The following LARP1 variants were observed in gnomAD, a reference collection of about 807,000 sequenced individuals.
The protein encoded by LARP1 is La ribonucleoprotein 1, translational regulator, also known as la-related protein 1.
LARP1 carries 36 observed loss-of-function variants against 122.7 expected under a neutral mutation model. The ratio of observed to expected loss-of-function variants is 0.29; its 90% CI spans 0.22 to 0.39. The LOEUF (loss-of-function observed/expected upper bound fraction) is 0.39, where lower values mean the gene tolerates loss of function less well. Ranked by LOEUF, LARP1 falls within the 10% of genes least tolerant of loss-of-function variation. The pLI, the probability that LARP1 is intolerant of heterozygous loss-of-function variation, is 1.00. For missense variants in LARP1, 1,040 were observed against 1,403.6 expected (o/e 0.74, Z 4.14); for synonymous variants, 539 against 528.7 (o/e 1.02, Z -0.27).
At chr5:154,750,066 C>G (rs1460341074) in intron 1 of LARP1, among the ~76,000 whole-genome samples, 3 of 152,248 alleles carry the variant, frequency 2.0e-5, no homozygotes, top group Non-Finnish European at 2.9e-5. Context: ...GAGATGGGAC[C>G]CAGGTTATAA....
rs60485690 is a variant in LARP1, at chr5:154,777,348, TA to T, written c.437-12962del. Among the ~76,000 whole-genome samples the T allele has an allele frequency of 3.7e-3, 508 of 136,994 alleles. 1 individual carries two copies. Among genetic ancestry groups the T allele is most frequent in the East Asian group, 4.4e-3 (21 of 4,762 alleles). 89.9% of individuals were successfully genotyped at this position (136,994 alleles called of 152,430 possible). ...CAACGTGGTGAAACCCCATCTCTGC[TA>T]AAAAAAAAAAAAAATGCAAAAATTA... On this transcript the variant is annotated intron_variant, in intron 1 of 18. Coordinates refer to ENST00000518297, the MANE Select transcript of LARP1 (RefSeq NM_033551.3).
At chr5:154,683,969 G>T (rs565300022) in intron 1 of LARP1, among the ~76,000 whole-genome samples, 8 of 152,320 alleles carry the variant, frequency 5.3e-5, no homozygotes, top group African/African-American at 1.7e-4. Context: ...AGGGTGGATA[G>T]ATGAATGGAA....
At chr5:154,787,807 G>C (rs1448783745) in intron 1 of LARP1, among the ~76,000 whole-genome samples, 2 of 152,172 alleles carry the variant, frequency 1.3e-5, no homozygotes, top group Admixed American at 6.5e-5. Flanking sequence ...TCATGTGTAT[G>C]CTCAGACTGT....
At chr5:154,812,129 C>T (rs1326405216) in intron 18 of LARP1, among the ~76,000 whole-genome samples, 1 of 152,180 alleles carries the variant, frequency 6.6e-6, no homozygotes, top group Non-Finnish European at 1.5e-5. Flanking sequence ...ATTGATTCAG[C>T]AGATACTGAT....
chr5:154,701,229 C>T (rs1445174447), intron 1 of LARP1, among the ~76,000 whole-genome samples: 1 of 152,138 alleles, frequency 6.6e-6, no homozygotes, highest in Non-Finnish European at 1.5e-5. Flanking sequence ...GGTCTTTTGG[C>T]AGACAGCTAA....
chr5:154,712,313 G>T (rs1254270392), upstream of LARP1, among the ~76,000 whole-genome samples: 1 of 152,188 alleles, frequency 6.6e-6, no homozygotes, highest in Non-Finnish European at 1.5e-5. Flanking sequence ...TGAGTGACTT[G>T]CCAAAGGCTT....
intron 1 of LARP1, among the ~76,000 whole-genome samples, chr5:154,686,075 A>G (rs1753927444): frequency 6.6e-6 from 1 of 152,228 alleles, no homozygotes; most frequent in Non-Finnish European, 1.5e-5. Context: ...GCATCAAGGC[A>G]AAGACATATC....
chr5:154,786,732 G>C (rs1331034548), intron 1 of LARP1: 1 of 241,886 alleles, frequency 4.1e-6, no homozygotes, highest in African/African-American at 2.3e-5. Context: ...GAGCTGTTGA[G>C]GAGCTCTGGC....
chr5:154,805,470 T>A (rs1758698066), intron 14 of LARP1, among the ~76,000 whole-genome samples: 1 of 151,832 alleles, frequency 6.6e-6, no homozygotes, highest in Non-Finnish European at 1.5e-5. Context: ...AATCTGCGTA[T>A]AAGTGGACCC....
intron 1 of LARP1, among the ~76,000 whole-genome samples, chr5:154,685,532 A>G (rs1212898564): frequency 6.6e-6 from 1 of 152,192 alleles, no homozygotes; most frequent in Non-Finnish European, 1.5e-5. Context: ...TTAGCGTAGA[A>G]AGTGGGGAGC....
chr5:154,724,370 C>T (rs1756068534), intron 1 of LARP1, among the ~76,000 whole-genome samples: 1 of 152,158 alleles, frequency 6.6e-6, no homozygotes, highest in South Asian at 2.1e-4. Context: ...TTCAGTGGAC[C>T]TTAGTCAAGG....
At chr5:154,693,652 A>C (rs556016602) in intron 1 of LARP1, among the ~76,000 whole-genome samples, 2 of 152,164 alleles carry the variant, frequency 1.3e-5, no homozygotes, top group African/African-American at 4.8e-5. Flanking sequence ...TCAGGAGATC[A>C]AGACCATCCT....
At position 154,816,555 on chromosome 5, in the gene LARP1, T is replaced by C. The variant is rs1759684184; in HGVS notation, c.*2459T>C. 6.6e-6 allele frequency: 1 copy of C among 152,670 alleles called. No homozygotes were observed. The highest frequency in any genetic ancestry group is 2.4e-5 in the African/African-American group (1 of 41,450). The allele number at this position is 152,670 out of a possible 1,614,324, so 9.5% of individuals were successfully genotyped here. ...CTTTTTTTTTGTTTTTGTTTTTGTT[T>C]TTGTTTTTGGTAACATGTTAGGAGT... is the stretch of plus-strand genomic sequence containing the variant. On this transcript the variant is annotated 3_prime_UTR_variant, in exon 19 of 19. Transcript: ENST00000518297.
chr5:154,721,934 A>T (rs1430356159), intron 1 of LARP1, among the ~76,000 whole-genome samples: 1 of 152,158 alleles, frequency 6.6e-6, no homozygotes, highest in African/African-American at 2.4e-5. Flanking sequence ...ACAATGACAC[A>T]GTCAGATTTA....
intron 1 of LARP1, among the ~76,000 whole-genome samples, chr5:154,731,709 A>G (rs746591525): frequency 1.3e-5 from 2 of 152,114 alleles, no homozygotes; most frequent in Non-Finnish European, 2.9e-5. Flanking sequence ...TCGGCAAATC[A>G]TTGGTAGAGG....
At chr5:154,765,049 C>T (rs978663462) in intron 1 of LARP1, among the ~76,000 whole-genome samples, 1 of 152,176 alleles carries the variant, frequency 6.6e-6, no homozygotes, top group South Asian at 2.1e-4. Flanking sequence ...TCCTATCACT[C>T]CTACTTAAAG....
chr5:154,722,110 C>T (rs758305604), intron 1 of LARP1, among the ~76,000 whole-genome samples: 11 of 152,192 alleles, frequency 7.2e-5, no homozygotes, highest in Non-Finnish European at 4.4e-5. Context: ...GTTCTGACCA[C>T]GTCTTTCTTC....
At chr5:154,794,291 G>T in intron 7 of LARP1, 29 bp downstream of exon 7, 2 of 1,607,186 alleles carry the variant, frequency 1.2e-6, no homozygotes, top group Non-Finnish European at 1.7e-6. Context: ...TCTTACCCTG[G>T]AGAAATGAGT....
At chr5:154,697,796 A>G (rs1357538000) in intron 1 of LARP1, among the ~76,000 whole-genome samples, 1 of 152,122 alleles carries the variant, frequency 6.6e-6, no homozygotes, top group Non-Finnish European at 1.5e-5. Context: ...GATAATAGCT[A>G]AAAGGCGCAA....
Sources: gnomAD v4.1 joint callset for allele counts (sites outside exome capture counted in the v4.1 genomes callset) on GRCh38, gnomAD v4.1.1 for gene constraint, MANE v1.5 for transcripts, NCBI Gene and HGNC (gene_info 2026-07-23, HGNC 2026-07-21) for gene names.